The following TBC1D16 variants were observed in gnomAD, a reference collection of about 807,000 sequenced individuals.
TBC1D16 encodes TBC1 domain family member 16.
In TBC1D16, 58 loss-of-function variants were observed where a neutral mutation model predicts 74.7. The observed-to-expected ratio is 0.78, with a 90% confidence interval of 0.63 to 0.97. The LOEUF (loss-of-function observed/expected upper bound fraction) is 0.97, where lower values mean the gene tolerates loss of function less well. Ranked by LOEUF, TBC1D16 falls within the 50% of genes least tolerant of loss-of-function variation. TBC1D16 has a pLI of 0.00. For synonymous variants in TBC1D16, 493 were observed against 474.7 expected (o/e 1.04, Z -0.50); for missense variants, 1,014 against 1,079.5 (o/e 0.94, Z 0.85).
chr17:79,948,714 G>A (rs1283518482), intron 8 of TBC1D16, among the ~76,000 whole-genome samples, 158 bp downstream of exon 8: 1 of 152,156 alleles, frequency 6.6e-6, no homozygotes. Flanking sequence ...AACTGACGTA[G>A]CTCATGAGTA....
rs373180692 is a variant in TBC1D16, at chr17:80,001,075, G to A, written c.779+9085C>T. Among the ~76,000 whole-genome samples, 36 of 152,324 alleles carry A rather than the reference G, an allele frequency of 2.4e-4. No homozygotes were observed. Among genetic ancestry groups the A allele is most frequent in the Middle Eastern group, 3.4e-3 (1 of 294 alleles). ...GGCTGGGCGCCTGCTTGGCTTCTCC[G>A]CCTGACAGTGAGACTGCTGGGGCGA... is the stretch of plus-strand genomic sequence containing the variant. On this transcript the variant is annotated intron_variant, in intron 3 of 11. Coordinates refer to ENST00000310924, the MANE Select transcript of TBC1D16 (RefSeq NM_019020.4). This position sits in a 1 kb window ranked among gnomAD's most constrained non-coding sequence, Gnocchi z 5.8.
chr17:79,945,265 GC>G (rs760187888), intron 9 of TBC1D16, among the ~76,000 whole-genome samples, 178 bp from the exon 10 acceptor site: 9 of 152,148 alleles, frequency 5.9e-5, no homozygotes, highest in Non-Finnish European at 7.4e-5. Context: ...GCTGGAATCG[GC>G]TCACACCTGC....
rs1489471793 is a variant in TBC1D16, at chr17:79,934,034, C to T, written c.*6825G>A. On this transcript the variant is annotated 3_prime_UTR_variant, in exon 12 of 12. Transcript: ENST00000310924. Reference sequence around the variant, plus strand: ...GCCCAGCTGTGTGGCAAGGGCACTCCCTAGGCACTGAGCAGCCACCGCCAG... The same window carrying T: ...GCCCAGCTGTGTGGCAAGGGCACTCTCTAGGCACTGAGCAGCCACCGCCAG... 1.3e-5 allele frequency: 2 copies of T among 152,204 alleles called. No individual in the cohort carries two copies. Among genetic ancestry groups the T allele is most frequent in the African/African-American group, 4.8e-5 (2 of 41,438 alleles). The allele number at this position is 152,204 out of a possible 1,614,324, so 9.4% of individuals were successfully genotyped here.
At position 79,968,278 on chromosome 17, in the gene TBC1D16, T is replaced by C. The variant is rs181728520; in HGVS notation, c.780-15460A>G. On this transcript the variant is annotated intron_variant, in intron 3 of 11. Coordinates refer to ENST00000310924, the MANE Select transcript of TBC1D16 (RefSeq NM_019020.4). ...CAAAGGGATTATAGGCATGCTGGGA[T>C]TCGAGGCATGAGCCGCTGCACCCAA... Among the ~76,000 whole-genome samples, 3 of 152,342 alleles carry C rather than the reference T, an allele frequency of 2.0e-5. No homozygotes were observed. The East Asian group carries it at 5.8e-4, about 29-fold the overall frequency.
rs2034792690 is a variant in TBC1D16, at chr17:79,985,327, G to A, written c.779+24833C>T. Among the ~76,000 whole-genome samples, 1 of 152,158 alleles carries A rather than the reference G, an allele frequency of 6.6e-6. No homozygotes were observed. Among genetic ancestry groups the A allele is most frequent in the South Asian group, 2.1e-4 (1 of 4,828 alleles). On this transcript the variant is annotated intron_variant, in intron 3 of 11. Transcript: ENST00000310924. The surrounding 1 kb of genome is among the most constrained non-coding windows in gnomAD (Gnocchi z 4.9). ...TCCTTCCCTTGATCCCATCAGCAAA[G>A]ACCCTATTTCCAAATAAAGTCACAT...
At position 79,975,014 on chromosome 17, in the gene TBC1D16, G is replaced by A. The variant is rs1417062655; in HGVS notation, c.780-22196C>T. ...CCCCGCAGCCACTGCGCCCTCTATA[G>A]GTAAGAAGGCCCAAGGAAGAAGCCC... On this transcript the variant is annotated intron_variant, in intron 3 of 11. Transcript: ENST00000310924. The surrounding 1 kb of genome is among the most constrained non-coding windows in gnomAD (Gnocchi z 4.5). Among the ~76,000 whole-genome samples, 11 of 152,146 alleles carry A rather than the reference G, an allele frequency of 7.2e-5. No individual in the cohort carries two copies. Among genetic ancestry groups the A allele is most frequent in the Admixed American group, 4.6e-4 (7 of 15,272 alleles).
intron 2 of TBC1D16, among the ~76,000 whole-genome samples, chr17:80,012,494 T>G (rs536270627): frequency 6.6e-6 from 1 of 152,208 alleles, no homozygotes; most frequent in Non-Finnish European, 1.5e-5. Flanking sequence ...ATTTAAACTT[T>G]TGTCTTGTTT....
Position 79,985,684 on chromosome 17 carries a change from AACT to A in TBC1D16, c.779+24473_779+24475del, listed in dbSNP as rs2034808000. On this transcript the variant is annotated intron_variant, in intron 3 of 11. Transcript: ENST00000310924. This position sits in a 1 kb window ranked among gnomAD's most constrained non-coding sequence, Gnocchi z 4.9. ...GCTTTTCAAACATGCAATTCTCATA[AACT>A]GTGCTAAATGCCATTTAGTAGCTAA... 6.6e-6 allele frequency among the ~76,000 whole-genome samples: 1 copy of A among 152,154 alleles called. No homozygotes were observed. The highest frequency in any genetic ancestry group is 1.5e-5 in the Non-Finnish European group (1 of 68,032).
Position 79,941,974 on chromosome 17 carries a change from G to T in TBC1D16, c.2055+86C>A, listed in dbSNP as rs535471945. 4.2e-4 allele frequency: 562 copies of T among 1,342,728 alleles called. 4 individuals carry two copies. In the African/African-American group the frequency reaches 6.9e-3, roughly 17 times the overall value. The allele number at this position is 1,342,728 out of a possible 1,614,324, so 83.2% of individuals were successfully genotyped here. On this transcript the variant is annotated intron_variant, in intron 11 of 11. Transcript: ENST00000310924. The surrounding 1 kb of genome is among the most constrained non-coding windows in gnomAD (Gnocchi z 4.3). Reference sequence around the variant, plus strand: ...CTCTGGGGGCGGGGCCCACATCTGGGGCAGCCTCACCTTTCTGAGAACGAG... The same window carrying T: ...CTCTGGGGGCGGGGCCCACATCTGGTGCAGCCTCACCTTTCTGAGAACGAG...
intron 3 of TBC1D16, among the ~76,000 whole-genome samples, chr17:80,004,294 C>T (rs1317981130): frequency 6.6e-6 from 1 of 152,198 alleles, no homozygotes; most frequent in African/African-American, 2.4e-5. Context: ...AGTTTAACTG[C>T]AACGGGCAGA....
intron 3 of TBC1D16, among the ~76,000 whole-genome samples, chr17:79,970,595 C>T (rs142831143): frequency 7.6e-4 from 116 of 152,262 alleles, no homozygotes; most frequent in Non-Finnish European, 1.0e-4. Context: ...AAGGTTGCCA[C>T]CTGTGTAGAG....
Position 79,958,216 on chromosome 17 carries a change from A to AT in TBC1D16, c.780-5399dup, listed in dbSNP as rs557536242. Among the ~76,000 whole-genome samples, 1,116 of 137,464 alleles carry AT rather than the reference A, an allele frequency of 8.1e-3. 11 individuals carry two copies. The highest frequency in any genetic ancestry group is 0.023 in the African/African-American group (840 of 37,066). The allele number at this position is 137,464 out of a possible 152,430, so 90.2% of individuals were successfully genotyped here. Reference sequence around the variant, plus strand: ...GGGGAGAAAGAATATAAACTGACCAATTTTTTTTTTTTTTTTTTGAGATGG... The same window carrying AT: ...GGGGAGAAAGAATATAAACTGACCAATTTTTTTTTTTTTTTTTTTGAGATGG... On this transcript the variant is annotated intron_variant, in intron 3 of 11. Transcript: ENST00000310924.
chr17:80,010,390 G>A lies in TBC1D16; in HGVS notation c.549C>T (p.Pro183=). 3.1e-6 allele frequency: 5 copies of A among 1,612,080 alleles called. No homozygotes were observed. Among genetic ancestry groups the A allele is most frequent in the Admixed American group, 1.7e-5 (1 of 59,852 alleles). ...GACTGACCGTCGACAAGATCCCGGA[G>A]GGGCTGCAAGCAGGCTGCGAGGCTG... ...AQPASQPACS[P]SGILSTVSPQ... is the part of the protein sequence containing the mutation. The change falls in exon 3 of 12, where the codon CCC becomes CCT. Residue 183 remains proline (P), a synonymous_variant. Transcript: ENST00000310924. The surrounding 1 kb of genome is among the most constrained non-coding windows in gnomAD (Gnocchi z 8.8).
At chr17:80,025,241 A>C (rs1272112755) in intron 1 of TBC1D16, among the ~76,000 whole-genome samples, 2 of 149,816 alleles carry the variant, frequency 1.3e-5, no homozygotes, top group Admixed American at 6.6e-5. Flanking sequence ...CTGCTCTACC[A>C]GCTTTGCCTC....
chr17:80,018,375 AG>A (rs2036170513), intron 1 of TBC1D16, among the ~76,000 whole-genome samples: 1 of 148,908 alleles, frequency 6.7e-6, no homozygotes, highest in Non-Finnish European at 1.5e-5. Flanking sequence ...TCCGCCTCCC[AG>A]GTTCACGCCA....
At position 79,934,416 on chromosome 17, in the gene TBC1D16, T is replaced by A. The variant is rs2031455048; in HGVS notation, c.*6443A>T. ...CCCAGTCCCGTTGCCTTGGAGGCGG[T>A]GACATCAGGGGCCCCTGAGCCACCA... On this transcript the variant is annotated 3_prime_UTR_variant, in exon 12 of 12. Transcript: ENST00000310924. 1 of 152,380 alleles carries A rather than the reference T, an allele frequency of 6.6e-6. No homozygotes were observed. The highest frequency in any genetic ancestry group is 6.5e-5 in the Admixed American group (1 of 15,298). The allele number at this position is 152,380 out of a possible 1,614,324, so 9.4% of individuals were successfully genotyped here. A position where few individuals can be genotyped will look rare whatever the true frequency, so the allele number is the denominator to read the frequency against.
intron 3 of TBC1D16, among the ~76,000 whole-genome samples, chr17:79,963,325 C>T (rs1386042187): frequency 6.6e-6 from 1 of 152,206 alleles, no homozygotes; most frequent in South Asian, 2.1e-4. Context: ...AGCACCTAAT[C>T]TCAGTGAAAT....
Position 79,944,783 on chromosome 17 carries a change from T to C in TBC1D16, c.1908+125A>G, listed in dbSNP as rs2032363443. 1 of 873,612 alleles carries C rather than the reference T, an allele frequency of 1.1e-6. No individual in the cohort carries two copies. 54.1% of individuals were successfully genotyped at this position (873,612 alleles called of 1,614,324 possible). On this transcript the variant is annotated intron_variant, in intron 10 of 11. Coordinates refer to ENST00000310924, the MANE Select transcript of TBC1D16 (RefSeq NM_019020.4). The surrounding 1 kb of genome is among the most constrained non-coding windows in gnomAD (Gnocchi z 7.7). ...GTGGGACGGGAAGGCAGTCGCCGTATGGGGGGCTAATGTGTGGCTGTGGGT... is the reference window on the plus strand; with the variant it reads ...GTGGGACGGGAAGGCAGTCGCCGTACGGGGGGCTAATGTGTGGCTGTGGGT...
At chr17:80,022,619 G>C (rs1181224875) in intron 1 of TBC1D16, among the ~76,000 whole-genome samples, 1 of 149,156 alleles carries the variant, frequency 6.7e-6, no homozygotes, top group African/African-American at 2.6e-5. Context: ...GATTACAGGC[G>C]TGAGCCACCA....
Sources: allele counts gnomAD v4.1 joint callset (sites outside exome capture counted in the v4.1 genomes callset), GRCh38; gene constraint gnomAD v4.1.1; non-coding constraint Gnocchi (gnomAD v3.1); transcripts MANE v1.5; gene names NCBI Gene and HGNC (gene_info 2026-07-23, HGNC 2026-07-21).